Variants in AKT3 observed in about 807,000 individuals in gnomAD.
AKT3 encodes the protein AKT serine/threonine kinase 3.
AKT3 carries 15 observed loss-of-function variants against 65.3 expected under a neutral mutation model. The observed-to-expected ratio is 0.23, with a 90% CI of 0.15 to 0.35. AKT3 has a LOEUF of 0.35. Among genes scored for constraint, AKT3 ranks in the 10% least tolerant of loss-of-function variants. The pLI is 1.00. For missense variants in AKT3, 243 were observed against 576.5 expected, an observed-to-expected ratio of 0.42 and a Z score of 5.92; for synonymous variants, 206 against 183.8, an observed-to-expected ratio of 1.12 and a Z score of -0.98.
chr1:243,516,677 C>T lies in AKT3; in HGVS notation c.1252-4251G>A, dbSNP rs558492385. Reference sequence around the variant, plus strand: ...CGAGCAATCCTCCTGCCTCAGCCTCCTGAAGCAATCCTCCTGCCTCAGCCT... The same window carrying T: ...CGAGCAATCCTCCTGCCTCAGCCTCTTGAAGCAATCCTCCTGCCTCAGCCT... On this transcript the variant is annotated intron_variant, in intron 12 of 13. Coordinates refer to ENST00000673466, the MANE Select transcript of AKT3 (RefSeq NM_005465.7). Among the ~76,000 whole-genome samples, 95 of 150,690 alleles carry T rather than the reference C, an allele frequency of 6.3e-4. No individual in the cohort carries two copies. The Middle Eastern group carries it at 0.01, about 16-fold the overall frequency.
intron 4 of AKT3, among the ~76,000 whole-genome samples, chr1:243,657,971 C>G (rs1418217875): frequency 6.6e-6 from 1 of 152,006 alleles, no homozygotes; most frequent in Non-Finnish European, 1.5e-5. Flanking sequence ...ACACACAAAA[C>G]CAACTCAAAA....
chr1:243,563,356 T>G (rs915907270), intron 10 of AKT3, among the ~76,000 whole-genome samples: 11 of 152,190 alleles, frequency 7.2e-5, no homozygotes, highest in African/African-American at 2.4e-5. Context: ...AAACCACTGT[T>G]GTTTCTAAGG....
At chr1:243,488,504 C>T (rs12042298) in intron 13 of AKT3, 35,011 of 191,884 alleles carry the variant, frequency 0.18, 3,935 homozygotes, top group East Asian at 0.35. Flanking sequence ...TGGAGAGGAG[C>T]GCCCATCAGC....
chr1:243,627,193 A>G (rs1679233384), intron 6 of AKT3, among the ~76,000 whole-genome samples: 1 of 152,146 alleles, frequency 6.6e-6, no homozygotes, highest in Non-Finnish European at 1.5e-5. Context: ...AAATAAAACA[A>G]TCTAAAAGAG....
intron 4 of AKT3, among the ~76,000 whole-genome samples, chr1:243,660,559 C>T (rs1264973139): frequency 6.6e-6 from 1 of 152,078 alleles, no homozygotes; most frequent in Non-Finnish European, 1.5e-5. Context: ...TGGGATGTAT[C>T]TCAAAATAAT....
chr1:243,610,752 C>T (rs1241556143), intron 8 of AKT3, among the ~76,000 whole-genome samples: 12 of 152,220 alleles, frequency 7.9e-5, no homozygotes, highest in Admixed American at 7.2e-4. Flanking sequence ...TTCAGAGATA[C>T]TCGATCAATA....
intron 5 of AKT3, among the ~76,000 whole-genome samples, chr1:243,638,989 G>C (rs1054267759): frequency 1.3e-5 from 2 of 152,050 alleles, no homozygotes; most frequent in Non-Finnish European, 2.9e-5. Context: ...CCTCTGGCCA[G>C]GTTGGTCAGA....
At chr1:243,493,428 C>G (rs1350871510) in intron 13 of AKT3, among the ~76,000 whole-genome samples, 2 of 152,176 alleles carry the variant, frequency 1.3e-5, no homozygotes, top group Non-Finnish European at 2.9e-5. Flanking sequence ...CAGAAATTAT[C>G]TGTCCACTTA....
chr1:243,494,736 T>G (rs1405643254), downstream of AKT3, among the ~76,000 whole-genome samples: 4 of 152,234 alleles, frequency 2.6e-5, no homozygotes, highest in Non-Finnish European at 4.4e-5. Flanking sequence ...TCACTCTACT[T>G]ATTGCTTCCT....
chr1:243,624,436 T>C (rs1475765578), intron 6 of AKT3, among the ~76,000 whole-genome samples: 1 of 152,234 alleles, frequency 6.6e-6, no homozygotes, highest in Admixed American at 6.5e-5. Context: ...AATTATAAAA[T>C]GTATCCACTT....
chr1:243,781,208 C>T (rs913385273), intron 2 of AKT3, among the ~76,000 whole-genome samples: 3 of 151,856 alleles, frequency 2.0e-5, no homozygotes, highest in East Asian at 1.9e-4. Context: ...TAAAGTTAAC[C>T]GTAGACATTC....
chr1:243,521,647 A>G (rs1397769775), intron 12 of AKT3, among the ~76,000 whole-genome samples: 1 of 152,212 alleles, frequency 6.6e-6, no homozygotes, highest in Non-Finnish European at 1.5e-5. Flanking sequence ...TCTTGTGCCT[A>G]CATAAAATGT....
At chr1:243,726,323 T>A (rs1009578118) in intron 2 of AKT3, among the ~76,000 whole-genome samples, 1 of 152,190 alleles carries the variant, frequency 6.6e-6, no homozygotes, top group Non-Finnish European at 1.5e-5. Context: ...GGAAAAATTA[T>A]CTGGATGAAG....
At chr1:243,495,475 G>C (rs978268296), downstream of AKT3, among the ~76,000 whole-genome samples, 1 of 152,202 alleles carries the variant, frequency 6.6e-6, no homozygotes, top group East Asian at 1.9e-4. Context: ...GGCCCAGCCG[G>C]GCAGCCAGGA....
chr1:243,722,956 G>A (rs1687000208), intron 2 of AKT3, among the ~76,000 whole-genome samples: 1 of 152,044 alleles, frequency 6.6e-6, no homozygotes, highest in South Asian at 2.1e-4. Flanking sequence ...ATGTGAAATT[G>A]TTAATATGTT....
intron 8 of AKT3, among the ~76,000 whole-genome samples, chr1:243,589,441 G>A (rs1211225857): frequency 6.6e-6 from 1 of 151,640 alleles, no homozygotes; most frequent in African/African-American, 2.4e-5. Context: ...GCTCAAGATA[G>A]ATCACTAGTC....
At chr1:243,717,094 C>T (rs1686559083) in intron 2 of AKT3, among the ~76,000 whole-genome samples, 1 of 152,218 alleles carries the variant, frequency 6.6e-6, no homozygotes. Context: ...ACTCTACCCA[C>T]CAGCTCCTTA....
At chr1:243,812,407 G>A (rs377584078) in intron 2 of AKT3, among the ~76,000 whole-genome samples, 1 of 152,236 alleles carries the variant, frequency 6.6e-6, no homozygotes, top group East Asian at 1.9e-4. Context: ...ATGCAGCCAA[G>A]AGACACATGA....
chr1:243,606,144 C>G (rs925453822), intron 8 of AKT3, among the ~76,000 whole-genome samples: 1 of 152,142 alleles, frequency 6.6e-6, no homozygotes, highest in African/African-American at 2.4e-5. Context: ...TTCACAGCAG[C>G]ATGAGAACAG....
Sources: gnomAD v4.1 joint callset for allele counts (sites outside exome capture counted in the v4.1 genomes callset) on GRCh38, gnomAD v4.1.1 for gene constraint, MANE v1.5 for transcripts, NCBI Gene and HGNC (gene_info 2026-07-23, HGNC 2026-07-21) for gene names.